The following RTL4 variants were observed in gnomAD, a reference collection of about 807,000 sequenced individuals.
The protein encoded by RTL4 is retrotransposon Gag like 4, also known as retrotransposon Gag-like protein 4.
A neutral mutation model predicts 5.3 loss-of-function variants in RTL4; 4 were observed. The observed-to-expected ratio is 0.75, with a 90% CI of 0.37 to 1.72. RTL4 has a LOEUF of 1.72. Ranked by LOEUF, RTL4 falls within the 40% of genes most tolerant of loss-of-function variation. The pLI is 0.04. For synonymous variants in RTL4, 98 were observed against 87.3 expected (o/e 1.12, Z -0.68); for missense variants, 260 against 227.1 (o/e 1.14, Z -0.93).
At chrX:112,380,856 C>G in the RTL4 span, among the ~76,000 whole-genome samples, 1 of 111,745 alleles carries the variant, frequency 8.9e-6, no homozygotes, top group Non-Finnish European at 1.9e-5. Flanking sequence ...ATCTCTGCAG[C>G]CTGGGAGGGC....
the RTL4 span, among the ~76,000 whole-genome samples, chrX:112,332,074 G>A: frequency 9.1e-6 from 1 of 109,504 alleles, no homozygotes; most frequent in Non-Finnish European, 1.9e-5. Flanking sequence ...TGAGTTAGTG[G>A]GTGCAGCACA....
chrX:112,319,014 C>T, the RTL4 span, among the ~76,000 whole-genome samples: 1 of 111,590 alleles, frequency 9.0e-6, no homozygotes, highest in African/African-American at 3.3e-5. Flanking sequence ...AGATTTCCTA[C>T]ATGGGAGCTC....
the RTL4 span, among the ~76,000 whole-genome samples, chrX:112,204,995 A>G: frequency 3.6e-5 from 4 of 111,965 alleles, no homozygotes; most frequent in Non-Finnish European, 3.8e-5. Flanking sequence ...GTATGTAAAA[A>G]ATGTGATTGA....
the RTL4 span, among the ~76,000 whole-genome samples, chrX:112,084,673 G>C: frequency 9.0e-6 from 1 of 111,145 alleles, no homozygotes; most frequent in Non-Finnish European, 1.9e-5. Flanking sequence ...ATAAAACTTT[G>C]GGGGCATTTC....
chrX:112,231,197 C>T, the RTL4 span, among the ~76,000 whole-genome samples: 1 of 111,034 alleles, frequency 9.0e-6, no homozygotes, highest in Non-Finnish European at 1.9e-5. Context: ...CTAGAAATAC[C>T]ATTTGACCCA....
At chrX:112,185,376 A>ATATATATATATATATAT in the RTL4 span, among the ~76,000 whole-genome samples, 74 of 85,196 alleles carry the variant, frequency 8.7e-4, no homozygotes, top group South Asian at 1.7e-3. Flanking sequence ...CTATTTTATT[A>ATATATATATATATATAT]ATATATATAT....
chrX:112,191,499 T>G, the RTL4 span, among the ~76,000 whole-genome samples: 3 of 111,933 alleles, frequency 2.7e-5, no homozygotes, highest in Non-Finnish European at 3.8e-5. Context: ...TAGACCCATT[T>G]GGCTTGAAAA....
the RTL4 span, among the ~76,000 whole-genome samples, chrX:112,116,480 C>G: frequency 9.0e-6 from 1 of 111,392 alleles, no homozygotes; most frequent in Non-Finnish European, 1.9e-5. Flanking sequence ...GCTGGGGTGA[C>G]CAGCTTTTAT....
chrX:112,147,599 C>A, the RTL4 span, among the ~76,000 whole-genome samples: 7 of 111,551 alleles, frequency 6.3e-5, no homozygotes, highest in Admixed American at 6.6e-4. Context: ...AGCCCAATAC[C>A]ATACCTTAAA....
chrX:112,303,903 A>G, the RTL4 span, among the ~76,000 whole-genome samples: 1 of 111,347 alleles, frequency 9.0e-6, no homozygotes, highest in African/African-American at 3.3e-5. Flanking sequence ...TATTATAACT[A>G]CTAACACAGC....
At chrX:112,450,190 A>C (rs931228193), upstream of RTL4, among the ~76,000 whole-genome samples, 3 of 112,289 alleles carry the variant, frequency 2.7e-5, no homozygotes, top group African/African-American at 9.7e-5. Context: ...CTCTTCTCCA[A>C]ATGGGATCTC....
At chrX:112,365,694 C>A in the RTL4 span, among the ~76,000 whole-genome samples, 8 of 111,622 alleles carry the variant, frequency 7.2e-5, no homozygotes, top group African/African-American at 2.3e-4. Flanking sequence ...GCCTCTGATT[C>A]TTGACCTAGA....
At chrX:112,436,848 TACCA>T in the RTL4 span, among the ~76,000 whole-genome samples, 1 of 111,274 alleles carries the variant, frequency 9.0e-6, no homozygotes, top group Non-Finnish European at 1.9e-5. Flanking sequence ...AGGAGTTCCT[TACCA>T]ACCAGAAAAA....
At chrX:112,116,961 G>A in the RTL4 span, among the ~76,000 whole-genome samples, 1 of 111,754 alleles carries the variant, frequency 8.9e-6, no homozygotes, top group Non-Finnish European at 1.9e-5. Context: ...GGCCATACAA[G>A]GAGTTCTGGT....
the RTL4 span, among the ~76,000 whole-genome samples, chrX:112,396,601 C>A: frequency 1.8e-5 from 2 of 110,688 alleles, no homozygotes; most frequent in Non-Finnish European, 3.8e-5. Flanking sequence ...CATATTATAT[C>A]CCCCCCACCC....
At chrX:112,432,493 A>C in the RTL4 span, among the ~76,000 whole-genome samples, 6 of 102,128 alleles carry the variant, frequency 5.9e-5, no homozygotes, top group African/African-American at 2.2e-4. Context: ...GATGGTGAGC[A>C]TTTTTTCTTG....
the RTL4 span, among the ~76,000 whole-genome samples, chrX:112,102,524 A>C: frequency 8.9e-6 from 1 of 111,943 alleles, no homozygotes; most frequent in East Asian, 2.8e-4. Context: ...TAGGTGAGTT[A>C]TTTCAAAGAA....
At chrX:112,346,104 C>G in the RTL4 span, among the ~76,000 whole-genome samples, 4 of 111,675 alleles carry the variant, frequency 3.6e-5, no homozygotes, top group East Asian at 5.6e-4. Flanking sequence ...AAAATATTGA[C>G]AAAGATTTTG....
At chrX:112,310,404 A>G in the RTL4 span, among the ~76,000 whole-genome samples, 2 of 61,055 alleles carry the variant, frequency 3.3e-5, no homozygotes, top group Non-Finnish European at 6.0e-5. Flanking sequence ...ATATATATAT[A>G]TATATATATA....
Sources: gnomAD v4.1 joint callset for allele counts (sites outside exome capture counted in the v4.1 genomes callset) on GRCh38, gnomAD v4.1.1 for gene constraint, MANE v1.5 for transcripts, NCBI Gene and HGNC (gene_info 2026-07-23, HGNC 2026-07-21) for gene names.